The following MAPKAPK2 variants were observed in gnomAD, a reference collection of about 807,000 sequenced individuals.
MAPKAPK2 encodes MAP kinase-activated protein kinase 2.
A neutral mutation model predicts 48.8 loss-of-function variants in MAPKAPK2; 9 were observed. The observed-to-expected ratio is 0.18, with a 90% CI of 0.11 to 0.32. The LOEUF is 0.32. Ranked by LOEUF, MAPKAPK2 falls within the 10% of genes least tolerant of loss-of-function variation. The pLI is 1.00. For synonymous variants in MAPKAPK2, 202 were observed against 190.6 expected (o/e 1.06, Z -0.49); for missense variants, 331 against 498.3 (o/e 0.66, Z 3.20).
chr1:206,699,920 TTC>T (rs1312196657), intron 1 of MAPKAPK2, among the ~76,000 whole-genome samples: 1 of 152,014 alleles, frequency 6.6e-6, no homozygotes, highest in African/African-American at 2.4e-5. Flanking sequence ...CTGTCTGTCT[TTC>T]TCTCTCTTTT....
At chr1:206,687,001 T>C (rs1179804319) in intron 1 of MAPKAPK2, among the ~76,000 whole-genome samples, 1 of 152,198 alleles carries the variant, frequency 6.6e-6, no homozygotes, top group Admixed American at 6.5e-5. Flanking sequence ...GAGGAGTTGT[T>C]TGGATTGAGC....
chr1:206,732,324 C>A lies in MAPKAPK2; in HGVS notation c.1060-251C>A. The stretch of plus-strand genomic sequence containing the variant: ...CCTGGCCCAAGTCTCTTCCTCCTAT[C>A]CTGCGGGATCACTGGGGGGCTCTCA... On this transcript the variant is annotated intron_variant, in intron 9 of 9. Coordinates refer to ENST00000367103, the MANE Select transcript of MAPKAPK2 (RefSeq NM_032960.4). This position sits in a 1 kb window ranked among gnomAD's most constrained non-coding sequence, Gnocchi z 4.4. The A allele has an allele frequency of 6.9e-7, 1 of 1,444,092 alleles. No homozygotes were observed. The allele number at this position is 1,444,092 out of a possible 1,614,324, so 89.5% of individuals were successfully genotyped here.
At chr1:206,691,906 C>T (rs1161700839) in intron 1 of MAPKAPK2, among the ~76,000 whole-genome samples, 1 of 152,204 alleles carries the variant, frequency 6.6e-6, no homozygotes, top group Non-Finnish European at 1.5e-5. Context: ...TGCTCCTTCT[C>T]TTGTGTGAAG....
At chr1:206,687,321 G>A (rs888378452) in intron 1 of MAPKAPK2, among the ~76,000 whole-genome samples, 34 of 152,202 alleles carry the variant, frequency 2.2e-4, no homozygotes, top group Admixed American at 1.0e-3. Flanking sequence ...TAACTAACGA[G>A]AGAGAGGTTT....
At chr1:206,702,331 C>G (rs1299383860) in intron 1 of MAPKAPK2, among the ~76,000 whole-genome samples, 1 of 152,242 alleles carries the variant, frequency 6.6e-6, no homozygotes, top group Non-Finnish European at 1.5e-5. Flanking sequence ...GGTGTGGTCC[C>G]TGCCACTCCA....
chr1:206,684,970 C>A lies in MAPKAPK2; in HGVS notation c.-260C>A, dbSNP rs1365861117. The A allele has an allele frequency of 1.3e-5, 2 of 154,200 alleles. No individual in the cohort carries two copies. The highest frequency in any genetic ancestry group is 4.8e-5 in the African/African-American group (2 of 41,290). 9.6% of individuals were successfully genotyped at this position (154,200 alleles called of 1,614,324 possible). A position where few individuals can be genotyped will look rare whatever the true frequency, so the allele number is the denominator to read the frequency against. On this transcript the variant is annotated 5_prime_UTR_variant, in exon 1 of 10. Coordinates refer to ENST00000367103, the MANE Select transcript of MAPKAPK2 (RefSeq NM_032960.4). ...CGGCCGCTTCCCCCCGGCCGGGCCCCCGCCGCCCCGCGGTCCCCAGAGCGC... is the reference window on the plus strand; with the variant it reads ...CGGCCGCTTCCCCCCGGCCGGGCCCACGCCGCCCCGCGGTCCCCAGAGCGC...
intron 1 of MAPKAPK2, among the ~76,000 whole-genome samples, chr1:206,725,989 A>G (rs1244797747): frequency 6.6e-6 from 1 of 152,192 alleles, no homozygotes; most frequent in African/African-American, 2.4e-5. Flanking sequence ...AGCTCAGTAA[A>G]TGCTTGCTGG....
At chr1:206,713,884 A>G (rs1673236020) in intron 1 of MAPKAPK2, among the ~76,000 whole-genome samples, 1 of 151,162 alleles carries the variant, frequency 6.6e-6, no homozygotes, top group Admixed American at 6.6e-5. Context: ...AAAGCACACA[A>G]GAGAAAAGGG....
At chr1:206,685,832 C>T (rs1553425519) in intron 1 of MAPKAPK2, among the ~76,000 whole-genome samples, 3 of 152,114 alleles carry the variant, frequency 2.0e-5, no homozygotes, top group South Asian at 2.1e-4. Context: ...GCTAATTTCA[C>T]TCCATCTCAA....
intron 1 of MAPKAPK2, among the ~76,000 whole-genome samples, chr1:206,705,868 A>G (rs1368812740): frequency 6.6e-6 from 1 of 151,898 alleles, no homozygotes; most frequent in African/African-American, 2.4e-5. Flanking sequence ...CAGATGGCCG[A>G]CTCCTGAGAA....
chr1:206,690,759 G>C (rs1572475928), intron 1 of MAPKAPK2, among the ~76,000 whole-genome samples: 1 of 152,332 alleles, frequency 6.6e-6, no homozygotes, highest in East Asian at 1.9e-4. Context: ...AGATGGGGAA[G>C]AGCAGGGCAC....
chr1:206,698,349 G>A (rs556976728), intron 1 of MAPKAPK2, among the ~76,000 whole-genome samples: 4 of 152,296 alleles, frequency 2.6e-5, no homozygotes, highest in South Asian at 2.1e-4. Flanking sequence ...GATCCTTCCA[G>A]CAGCTTAGAC....
intron 1 of MAPKAPK2, among the ~76,000 whole-genome samples, chr1:206,688,244 C>T (rs187721811): frequency 6.6e-6 from 1 of 152,332 alleles, no homozygotes; most frequent in Admixed American, 6.5e-5. Flanking sequence ...AAAACCAAGG[C>T]CCAGAGTGAG....
chr1:206,729,158 G>T, intron 3 of MAPKAPK2, 59 bp downstream of exon 3: 1 of 1,565,662 alleles, frequency 6.4e-7, no homozygotes, highest in Admixed American at 1.7e-5. Flanking sequence ...GGGTCTGAAG[G>T]GGGCCTTTGC....
Position 206,685,266 on chromosome 1 carries a change from C to T in MAPKAPK2, c.37C>T (p.Pro13Ser). 1 of 643,130 alleles carries T rather than the reference C, an allele frequency of 1.6e-6. No individual in the cohort carries two copies. The highest frequency in any genetic ancestry group is 3.8e-5 in the Admixed American group (1 of 26,528). 39.8% of individuals were successfully genotyped at this position (643,130 alleles called of 1,614,324 possible). ...CTCCCAGGGCCAGAGCCCGCCGGTG[C>T]CGTTCCCCGCCCCGGCCCCGCCGCC... ...SNSQGQSPPV[P>S]FPAPAPPPQP... Residue 13 changes from proline (P) to serine (S), a missense_variant, in exon 1 of 10, where the codon CCG becomes TCG. Physicochemically the swap from Pro to Ser is moderately conservative, Grantham distance 74 (BLOSUM62 -1). Coordinates refer to ENST00000367103, the MANE Select transcript of MAPKAPK2 (RefSeq NM_032960.4).
At chr1:206,712,962 T>TCACACACACACACACA (rs58379967) in intron 1 of MAPKAPK2, among the ~76,000 whole-genome samples, 4,547 of 112,146 alleles carry the variant, frequency 0.041, 221 homozygotes, top group Middle Eastern at 0.07. Flanking sequence ...TGAGACTCCA[T>TCACACACACACACACA]CACACACACA....
intron 1 of MAPKAPK2, among the ~76,000 whole-genome samples, chr1:206,726,276 A>G (rs1673698956): frequency 6.6e-6 from 1 of 152,212 alleles, no homozygotes; most frequent in African/African-American, 2.4e-5. Context: ...AATCCCAGCT[A>G]CTCAGGAGGC....
intron 1 of MAPKAPK2, chr1:206,696,363 AT>A: frequency 1.5e-6 from 1 of 682,796 alleles, no homozygotes; most frequent in South Asian, 1.7e-5. Flanking sequence ...CTACATCTTC[AT>A]TATTTTTGTG....
chr1:206,731,367 G>A lies in MAPKAPK2; in HGVS notation c.892+105G>A. The A allele has an allele frequency of 6.4e-7, 1 of 1,555,532 alleles. No homozygotes were observed. Among genetic ancestry groups the A allele is most frequent in the African/African-American group, 1.4e-5 (1 of 73,522 alleles). On this transcript the variant is annotated intron_variant, in intron 7 of 9. Transcript: ENST00000367103. The surrounding 1 kb of genome is among the most constrained non-coding windows in gnomAD (Gnocchi z 5.9). The stretch of plus-strand genomic sequence containing the variant: ...GTATGGGCCTCCATCTCATGTGCGT[G>A]GTGTAACTGTGGGTTAGCACCTATG...
Sources: gnomAD v4.1 joint callset for allele counts (sites outside exome capture counted in the v4.1 genomes callset) on GRCh38, gnomAD v4.1.1 for gene constraint, Gnocchi (gnomAD v3.1) non-coding constraint, MANE v1.5 for transcripts, NCBI Gene and HGNC (gene_info 2026-07-23, HGNC 2026-07-21) for gene names.